Variants in IFRD1 observed in about 807,000 individuals in gnomAD.
IFRD1 encodes the protein interferon-related developmental regulator 1.
IFRD1 carries 35 observed loss-of-function variants against 52.9 expected under a neutral mutation model. That is an observed-to-expected ratio of 0.66 (90% CI 0.51 to 0.88). IFRD1 has a LOEUF of 0.88. Ranked by LOEUF, IFRD1 falls within the 40% of genes least tolerant of loss-of-function variation. The pLI, the probability that IFRD1 is intolerant of heterozygous loss-of-function variation, is 0.00. For synonymous variants in IFRD1, 184 were observed against 188.4 expected (o/e 0.98, Z 0.19); for missense variants, 517 against 550.8 (o/e 0.94, Z 0.61).
chr7:112,473,029 C>CGTGTGTGTGTGTGTGTGT (rs74273594), intron 11 of IFRD1, among the ~76,000 whole-genome samples, 168 bp downstream of exon 11: 2 of 115,152 alleles, frequency 1.7e-5, no homozygotes, highest in Admixed American at 9.2e-5. Flanking sequence ...GTGTGGGGGG[C>CGTGTGTGTGTGTGTGTGT]GTGTGTGTGT....
chr7:112,471,588 T>A (rs182115617), intron 9 of IFRD1, among the ~76,000 whole-genome samples: 3 of 152,180 alleles, frequency 2.0e-5, no homozygotes, highest in African/African-American at 4.8e-5. Context: ...ACTTTTTTTT[T>A]AATCCATCTG....
chr7:112,459,414 AATAAGTGAT>A (rs1283431728), intron 5 of IFRD1, among the ~76,000 whole-genome samples: 19 of 152,156 alleles, frequency 1.2e-4, no homozygotes, highest in Admixed American at 1.2e-3. Flanking sequence ...TTGGTGCGGT[AATAAGTGAT>A]ACAAGTGATC....
At chr7:112,444,330 C>T (rs753381337) in intron 1 of IFRD1, among the ~76,000 whole-genome samples, 4 of 152,088 alleles carry the variant, frequency 2.6e-5, no homozygotes, top group Non-Finnish European at 4.4e-5. Context: ...ATCTTCTACA[C>T]AACAAAAAGA....
intron 9 of IFRD1, among the ~76,000 whole-genome samples, chr7:112,470,266 T>A (rs1410276764): frequency 6.6e-6 from 1 of 152,178 alleles, no homozygotes; most frequent in Non-Finnish European, 1.5e-5. Flanking sequence ...AGAGCTGAAA[T>A]TTGAACCCAC....
chr7:112,460,235 C>T (rs1194309773), intron 5 of IFRD1, among the ~76,000 whole-genome samples: 1 of 145,896 alleles, frequency 6.9e-6, no homozygotes, highest in Non-Finnish European at 1.5e-5. Flanking sequence ...TTGAGGCAGT[C>T]CTAGGGTTTT....
At chr7:112,464,674 A>G (rs1026827145) in intron 8 of IFRD1, among the ~76,000 whole-genome samples, 7 of 152,228 alleles carry the variant, frequency 4.6e-5, no homozygotes, top group Non-Finnish European at 1.0e-4. Flanking sequence ...TAGGAACTGT[A>G]GAGTAACTTA....
At chr7:112,473,062 GTGTGTA>G (rs772893759) in intron 11 of IFRD1, among the ~76,000 whole-genome samples, 9,503 of 44,418 alleles carry the variant, frequency 0.21, 437 homozygotes, top group Middle Eastern at 0.34. Flanking sequence ...GTGTGTGTGT[GTGTGTA>G]TATATGTGTC....
intron 9 of IFRD1, among the ~76,000 whole-genome samples, chr7:112,470,978 C>T (rs566834857): frequency 6.6e-6 from 1 of 152,124 alleles, no homozygotes; most frequent in East Asian, 1.9e-4. Flanking sequence ...TGAGATTAAC[C>T]TTGAATTGTG....
chr7:112,458,946 T>G lies in IFRD1; in HGVS notation c.495T>G (p.Ile165Met), dbSNP rs994394768. 1.5e-5 allele frequency: 25 copies of G among 1,613,820 alleles called. No homozygotes were observed. In the African/African-American group the frequency reaches 2.9e-4, roughly 19 times the overall value. The change falls in exon 5 of 12, where the codon ATT (isoleucine) becomes ATG (methionine). Residue 165 changes from isoleucine (I) to methionine (M), a missense_variant. Coordinates refer to ENST00000403825, the MANE Select transcript of IFRD1 (RefSeq NM_001550.4). Reference protein sequence around the residue: ...QLGPGIESEEILKTLGPILKK... With the variant: ...QLGPGIESEEMLKTLGPILKK... Reference sequence around the variant, plus strand: ...GCCCTGGAATTGAAAGTGAAGAGATTTTGAAAACTCTTGGACCAATCCTAA... The same window carrying G: ...GCCCTGGAATTGAAAGTGAAGAGATGTTGAAAACTCTTGGACCAATCCTAA...
chr7:112,464,283 A>G (rs1374185718), intron 8 of IFRD1, among the ~76,000 whole-genome samples: 3 of 152,108 alleles, frequency 2.0e-5, no homozygotes. Context: ...AAAACTTTTG[A>G]AGAGCTAACT....
intron 9 of IFRD1, among the ~76,000 whole-genome samples, chr7:112,471,537 G>A (rs949134456): frequency 1.3e-5 from 2 of 151,952 alleles, no homozygotes; most frequent in Non-Finnish European, 2.9e-5. Flanking sequence ...GAATTAAGTA[G>A]CCAGTTTTCT....
In IFRD1 at chr7:112,476,605, G is replaced by A. The variant is rs1328283179; in HGVS notation, c.*1086G>A. ...GGAGGTCAAAGCTGCAGTGAGCCGT[G>A]ATTGTGCCACTCCAGCCTGGGTGAC... On this transcript the variant is annotated 3_prime_UTR_variant, in exon 12 of 12. Coordinates refer to ENST00000403825, the MANE Select transcript of IFRD1 (RefSeq NM_001550.4). The A allele has an allele frequency of 1.3e-5, 2 of 152,164 alleles. No homozygotes were observed. The highest frequency in any genetic ancestry group is 4.8e-5 in the African/African-American group (2 of 41,426). 9.4% of individuals were successfully genotyped at this position (152,164 alleles called of 1,614,324 possible).
rs569182266 is a variant in IFRD1 at position 112,456,278 on chromosome 7, G to T, written c.284+192G>T. Among the ~76,000 whole-genome samples, 4 of 152,182 alleles carry T rather than the reference G, an allele frequency of 2.6e-5. No individual in the cohort carries two copies. In the South Asian group the frequency reaches 8.3e-4, roughly 32 times the overall value. Reference sequence around the variant, plus strand: ...ACTTTGGATGTTTCTTATTCCGTTGGACTTTAATGTGGGTAGTAACATGCC... The same window carrying T: ...ACTTTGGATGTTTCTTATTCCGTTGTACTTTAATGTGGGTAGTAACATGCC... On this transcript the variant is annotated intron_variant, in intron 3 of 11. Coordinates refer to ENST00000403825, the MANE Select transcript of IFRD1 (RefSeq NM_001550.4).
intron 1 of IFRD1, among the ~76,000 whole-genome samples, chr7:112,436,433 A>G (rs569285276): frequency 3.9e-5 from 6 of 152,200 alleles, no homozygotes; most frequent in Non-Finnish European, 7.3e-5. Context: ...ATTCACTATC[A>G]ATGATTAAAT....
At chr7:112,428,681 C>T (rs1261862936) in intron 1 of IFRD1, among the ~76,000 whole-genome samples, 1 of 152,132 alleles carries the variant, frequency 6.6e-6, no homozygotes, top group Non-Finnish European at 1.5e-5. Context: ...CCTTCAGACT[C>T]CTTTCCTTGC....
At chr7:112,440,676 A>C (rs2117255582) in intron 1 of IFRD1, among the ~76,000 whole-genome samples, 1 of 152,314 alleles carries the variant, frequency 6.6e-6, no homozygotes, top group South Asian at 2.1e-4. Flanking sequence ...TGAGTGTAAA[A>C]GATAGGCTTT....
At chr7:112,439,406 T>A (rs1794811560) in intron 1 of IFRD1, among the ~76,000 whole-genome samples, 1 of 152,248 alleles carries the variant, frequency 6.6e-6, no homozygotes, top group Non-Finnish European at 1.5e-5. Context: ...AAAGAGATTG[T>A]TAGATGTAAC....
chr7:112,426,097 C>T lies in IFRD1; in HGVS notation c.-182+2665C>T, dbSNP rs919091859. On this transcript the variant is annotated intron_variant, in intron 1 of 12. Coordinates refer to the IFRD1 transcript ENST00000005558. ...GTGTGGTGGTTCACTCCTGTAATAC[C>T]AGCTGCTTGGGAGACTGAGGTGGGA... Among the ~76,000 whole-genome samples, 8 of 152,178 alleles carry T rather than the reference C, an allele frequency of 5.3e-5. No homozygotes were observed. In the East Asian group the frequency reaches 1.2e-3, roughly 22 times the overall value.
chr7:112,451,499 A>G (rs562436894), intron 1 of IFRD1, among the ~76,000 whole-genome samples: 52 of 152,250 alleles, frequency 3.4e-4, no homozygotes, highest in African/African-American at 1.2e-3. Context: ...TTTGTGCTGC[A>G]TTCTATATGT....
Sources: gnomAD v4.1 joint callset for allele counts (sites outside exome capture counted in the v4.1 genomes callset) on GRCh38, gnomAD v4.1.1 for gene constraint, MANE v1.5 for transcripts, NCBI Gene and HGNC (gene_info 2026-07-23, HGNC 2026-07-21) for gene names.